Variants in GLI2 observed in about 807,000 individuals in gnomAD.
GLI2 encodes GLI family zinc finger 2.
Under a neutral mutation model 78.9 loss-of-function variants are expected in GLI2, and 22 were observed. That is an observed-to-expected ratio of 0.28 (90% CI 0.20 to 0.40). The LOEUF is 0.40. Ranked by LOEUF, GLI2 falls within the 10% of genes least tolerant of loss-of-function variation. The probability of loss-of-function intolerance (pLI) is 1.00; values close to 1 mark genes in which losing one functional copy is unlikely to be tolerated. For synonymous variants in GLI2, 974 were observed against 963.7 expected, an observed-to-expected ratio of 1.01 and a Z score of -0.20; for missense variants, 2,097 against 2,213.2, an observed-to-expected ratio of 0.95 and a Z score of 1.05.
At chr2:120,971,125 G>A (rs1682145885) in intron 7 of GLI2, among the ~76,000 whole-genome samples, 1 of 152,208 alleles carries the variant, frequency 6.6e-6, no homozygotes, top group African/African-American at 2.4e-5. Flanking sequence ...CTTAGCATCA[G>A]TCAGACCATC....
At chr2:120,968,213 A>C (rs60450846) in intron 5 of GLI2, among the ~76,000 whole-genome samples, 2,791 of 152,320 alleles carry the variant, frequency 0.018, 76 homozygotes, top group African/African-American at 0.063. Context: ...AAAAGTAGGC[A>C]ACAAGAAGCT....
chr2:120,857,526 C>A (rs1430850611), intron 2 of GLI2, among the ~76,000 whole-genome samples: 1 of 143,158 alleles, frequency 7.0e-6, no homozygotes, highest in African/African-American at 2.6e-5. Flanking sequence ...CCGACCCACC[C>A]ACCTACCTAC....
At chr2:120,810,151 G>A in intron 2 of GLI2, among the ~76,000 whole-genome samples, 1 of 152,258 alleles carries the variant, frequency 6.6e-6, no homozygotes, top group East Asian at 1.9e-4. Flanking sequence ...GAGGGGGCCA[G>A]GCTTCTGAGC....
chr2:120,966,746 G>A (rs932142455), intron 5 of GLI2, among the ~76,000 whole-genome samples: 1 of 152,192 alleles, frequency 6.6e-6, no homozygotes, highest in Non-Finnish European at 1.5e-5. Flanking sequence ...AGGTGGGTGC[G>A]GGCTCTGCCC....
At chr2:120,921,264 T>TGG (rs1392440837) in intron 2 of GLI2, among the ~76,000 whole-genome samples, 2 of 143,090 alleles carry the variant, frequency 1.4e-5, no homozygotes, top group South Asian at 4.2e-4. Flanking sequence ...GCATGTGTGT[T>TGG]GGTGGGGGGT....
chr2:120,911,416 C>T (rs140350303), intron 2 of GLI2, among the ~76,000 whole-genome samples: 226 of 152,276 alleles, frequency 1.5e-3, no homozygotes, highest in African/African-American at 5.3e-3. Flanking sequence ...AGAACCACTG[C>T]GGTTTCCAGT....
intron 2 of GLI2, among the ~76,000 whole-genome samples, chr2:120,826,070 G>T (rs539364589): frequency 1.1e-4 from 17 of 151,874 alleles, no homozygotes; most frequent in African/African-American, 3.1e-4. Context: ...AGAGCAGAGC[G>T]TTGGGCCGTG....
chr2:120,863,260 G>A (rs931506784), intron 2 of GLI2, among the ~76,000 whole-genome samples: 6 of 152,188 alleles, frequency 3.9e-5, no homozygotes, highest in Admixed American at 6.5e-5. Flanking sequence ...TCCGGCAGCC[G>A]ACCACTGCCC....
chr2:120,745,293 G>C (rs1682661753), intron 1 of GLI2, among the ~76,000 whole-genome samples: 1 of 152,218 alleles, frequency 6.6e-6, no homozygotes, highest in South Asian at 2.1e-4. Context: ...AGGATGCTTT[G>C]TGGCTGAAGT....
chr2:120,836,432 C>T (rs529673762), intron 2 of GLI2, among the ~76,000 whole-genome samples: 56 of 152,270 alleles, frequency 3.7e-4, no homozygotes, highest in African/African-American at 7.9e-4. Context: ...GCTCCGTAGA[C>T]GCCACAATAA....
At chr2:120,797,174 A>T in intron 1 of GLI2, 117 bp from the exon 2 acceptor site, 1 of 762,066 alleles carries the variant, frequency 1.3e-6, no homozygotes, top group East Asian at 2.5e-5. Flanking sequence ...TCCCAATTAT[A>T]AGAGAATTAG....
At chr2:120,845,085 C>T (rs1338889278) in intron 2 of GLI2, among the ~76,000 whole-genome samples, 2 of 152,020 alleles carry the variant, frequency 1.3e-5, no homozygotes, top group Non-Finnish European at 2.9e-5. Flanking sequence ...CCAGTCTGGC[C>T]AGCATGGTAA....
In GLI2 at chr2:120,988,962, C is replaced by T. The variant is rs140479803; in HGVS notation, c.2997C>T (p.Asp999=). Residue 999 remains aspartate (D), a synonymous_variant, in exon 14 of 14, where the codon GAC becomes GAT. Transcript: ENST00000361492. Reference sequence around the variant, plus strand: ...GCCTGCAGAGCCACCCGAGCACCGACGGCGGCCTGGCCCGCGGCGCCTACT... The same window carrying T: ...GCCTGCAGAGCCACCCGAGCACCGATGGCGGCCTGGCCCGCGGCGCCTACT... ...GLRLQSHPST[D]GGLARGAYSP... 4.6e-3 allele frequency: 7,091 copies of T among 1,546,484 alleles called. 292 individuals carry two copies. In the African/African-American group the frequency reaches 0.086, roughly 19 times the overall value.
chr2:120,773,496 C>T (rs1348576336), intron 1 of GLI2, among the ~76,000 whole-genome samples: 1 of 152,202 alleles, frequency 6.6e-6, no homozygotes, highest in Non-Finnish European at 1.5e-5. Context: ...TTGGCCTTGT[C>T]CCTGCTTTCA....
In GLI2 at chr2:120,899,424, CACACAT is replaced by C. The variant is rs778094056; in HGVS notation, c.149-27931_149-27926del. On this transcript the variant is annotated intron_variant, in intron 2 of 13. Coordinates refer to ENST00000361492, the MANE Select transcript of GLI2 (RefSeq NM_001374353.1). ...ACACACATACACACACACACACACACACACATACACACATGCACACACATTCCACCC... is the reference window on the plus strand; with the variant it reads ...ACACACATACACACACACACACACACACACACATGCACACACATTCCACCC... Among the ~76,000 whole-genome samples the C allele has an allele frequency of 5.5e-3, 653 of 119,180 alleles. 1 individual carries two copies. The highest frequency in any genetic ancestry group is 6.8e-3 in the African/African-American group (149 of 21,958). The allele number at this position is 119,180 out of a possible 152,430, so 78.2% of individuals were successfully genotyped here. A position where few individuals can be genotyped will look rare whatever the true frequency, so the allele number is the denominator to read the frequency against.
intron 2 of GLI2, among the ~76,000 whole-genome samples, chr2:120,859,252 G>C (rs967034898): frequency 2.0e-5 from 3 of 152,196 alleles, no homozygotes; most frequent in Admixed American, 6.5e-5. Flanking sequence ...TTGAGTTGAT[G>C]GCAAAAGCAG....
rs57456017 is a variant in GLI2, at chr2:120,891,305, GA to G, written c.149-36054del. ...TGTTGAACAAGTGGGTGTAGGCAGA[GA>G]AGGAATTTCTTGAGAGGCAGTGTTG... On this transcript the variant is annotated intron_variant, in intron 2 of 13. Coordinates refer to ENST00000361492, the MANE Select transcript of GLI2 (RefSeq NM_001374353.1). Among the ~76,000 whole-genome samples the G allele has an allele frequency of 5.7e-3, 867 of 152,316 alleles. 12 individuals are homozygous for G. The highest frequency in any genetic ancestry group is 0.02 in the African/African-American group (811 of 41,568).
chr2:120,784,103 T>C (rs554336857), intron 1 of GLI2, among the ~76,000 whole-genome samples: 2 of 152,322 alleles, frequency 1.3e-5, no homozygotes, highest in South Asian at 4.1e-4. Flanking sequence ...CAGCTGACTT[T>C]AGAACACTGG....
At position 120,900,724 on chromosome 2, in the gene GLI2, G is replaced by A. The variant is rs17005365; in HGVS notation, c.149-26637G>A. ...TGGGTAAAATAGACAAGGGATGTGCGTGGAGACGGACATTGTATCCAAAAA... is the reference window on the plus strand; with the variant it reads ...TGGGTAAAATAGACAAGGGATGTGCATGGAGACGGACATTGTATCCAAAAA... On this transcript the variant is annotated intron_variant, in intron 2 of 13. Transcript: ENST00000361492. 4.2e-3 allele frequency among the ~76,000 whole-genome samples: 642 copies of A among 152,316 alleles called. 6 individuals are homozygous for A. The highest frequency in any genetic ancestry group is 0.013 in the African/African-American group (553 of 41,556).
Sources: allele counts gnomAD v4.1 joint callset (sites outside exome capture counted in the v4.1 genomes callset), GRCh38; gene constraint gnomAD v4.1.1; transcripts MANE v1.5; gene names NCBI Gene and HGNC (gene_info 2026-07-23, HGNC 2026-07-21).